The following PIK3C2G variants were observed in gnomAD, a reference collection of about 807,000 sequenced individuals.
PIK3C2G encodes phosphatidylinositol-4-phosphate 3-kinase catalytic subunit type 2 gamma.
A neutral mutation model predicts 181.1 loss-of-function variants in PIK3C2G; 168 were observed. The observed-to-expected ratio is 0.93, with a 90% CI of 0.82 to 1.05. PIK3C2G has a LOEUF of 1.05. PIK3C2G is among the 50% of genes least tolerant of loss of function. PIK3C2G has a pLI of 0.00. For synonymous variants in PIK3C2G, 573 were observed against 592.2 expected (o/e 0.97, Z 0.47); for missense variants, 1,869 against 1,732.8 (o/e 1.08, Z -1.40).
the PIK3C2G span, chr12:18,699,721 G>A: frequency 1.3e-5 from 18 of 1,396,084 alleles, no homozygotes; most frequent in Non-Finnish European, 1.8e-5. Flanking sequence ...AAATATCATT[G>A]AGCAATCTTA....
chr12:18,505,492 A>T (rs1941762581), intron 24 of PIK3C2G, 31 bp downstream of exon 24: 2 of 1,564,962 alleles, frequency 1.3e-6, no homozygotes, highest in Non-Finnish European at 1.7e-6. Flanking sequence ...TACAGTAATT[A>T]AGCAGTGTCC....
At chr12:18,500,503 C>T (rs190483040) in intron 22 of PIK3C2G, among the ~76,000 whole-genome samples, 115 of 152,312 alleles carry the variant, frequency 7.6e-4, no homozygotes, top group Non-Finnish European at 1.6e-3. Context: ...CCAGTCCCAT[C>T]GACCACCTAA....
chr12:18,423,876 C>T lies in PIK3C2G; in HGVS notation c.2410-69C>T, dbSNP rs181735716. On this transcript the variant is annotated intron_variant, in intron 17 of 32. Coordinates refer to ENST00000538779, the MANE Select transcript of PIK3C2G (RefSeq NM_001288772.2). ...TTTTCTCTAGTCTTTTCTCAAGCCTCTGAAGTCCCTCTGTATTCTGCTATA... is the reference window on the plus strand; with the variant it reads ...TTTTCTCTAGTCTTTTCTCAAGCCTTTGAAGTCCCTCTGTATTCTGCTATA... 1.2e-4 allele frequency: 105 copies of T among 898,076 alleles called. No individual in the cohort carries two copies. In the African/African-American group the frequency reaches 1.6e-3, roughly 13 times the overall value. 55.6% of individuals were successfully genotyped at this position (898,076 alleles called of 1,614,324 possible).
At chr12:18,603,344 T>C (rs543639341) in intron 30 of PIK3C2G, among the ~76,000 whole-genome samples, 1 of 151,964 alleles carries the variant, frequency 6.6e-6, no homozygotes, top group Non-Finnish European at 1.5e-5. Context: ...AAAGAAAATA[T>C]GAACAAAGCC....
At chr12:18,539,527 A>G (rs1944039057) in intron 25 of PIK3C2G, among the ~76,000 whole-genome samples, 1 of 151,818 alleles carries the variant, frequency 6.6e-6, no homozygotes, top group African/African-American at 2.4e-5. Flanking sequence ...ATTAATTTTT[A>G]TTAAACAAAA....
chr12:18,629,461 G>A (rs1591708626), intron 31 of PIK3C2G, among the ~76,000 whole-genome samples: 1 of 152,204 alleles, frequency 6.6e-6, no homozygotes, highest in East Asian at 1.9e-4. Flanking sequence ...GAGTAAACAA[G>A]GCCCCAAGGA....
At chr12:18,375,215 A>G (rs1942351102) in intron 13 of PIK3C2G, among the ~76,000 whole-genome samples, 1 of 152,198 alleles carries the variant, frequency 6.6e-6, no homozygotes, top group Non-Finnish European at 1.5e-5. Flanking sequence ...TGTGGCCAAA[A>G]TGCTGATAGT....
chr12:18,384,950 T>C (rs911600117), intron 14 of PIK3C2G, among the ~76,000 whole-genome samples: 1 of 152,176 alleles, frequency 6.6e-6, no homozygotes, highest in African/African-American at 2.4e-5. Context: ...AAACCTTTAA[T>C]AGTATCAGTT....
chr12:18,272,107 T>C (rs1014298953), intron 1 of PIK3C2G, among the ~76,000 whole-genome samples: 6 of 152,230 alleles, frequency 3.9e-5, no homozygotes, highest in African/African-American at 1.2e-4. Context: ...CAAGTGTTTA[T>C]TCCTAAATTG....
rs1236836569 is a variant in PIK3C2G, at chr12:18,640,489, A to G, written c.4243A>G (p.Ser1415Gly). Residue 1415 changes from serine (S) to glycine (G), a missense_variant, in exon 32 of 33, where the codon AGT (serine) becomes GGT (glycine). Physicochemically the swap from Ser to Gly is moderately conservative, Grantham distance 56. Transcript: ENST00000538779. ...TGAATTTTATCTTTTACCATATCCC[A>G]GTGAAGTTCGTAGGAGGAAAACAAA... ...HVEFYLLPYP[S>G]EVRRRKTKSV... is the part of the protein sequence containing the mutation. 1.2e-6 allele frequency: 2 copies of G among 1,608,480 alleles called. No homozygotes were observed. Among genetic ancestry groups the G allele is most frequent in the East Asian group, 2.2e-5 (1 of 44,694 alleles).
At chr12:18,662,088 A>G in the PIK3C2G span, among the ~76,000 whole-genome samples, 1 of 152,232 alleles carries the variant, frequency 6.6e-6, no homozygotes, top group Non-Finnish European at 1.5e-5. Flanking sequence ...GTACACATGG[A>G]CACAAAAATG....
chr12:18,663,292 T>C, the PIK3C2G span, among the ~76,000 whole-genome samples: 1 of 152,086 alleles, frequency 6.6e-6, no homozygotes, highest in Non-Finnish European at 1.5e-5. Flanking sequence ...ATTATCTTTG[T>C]TCACAGATAA....
intron 24 of PIK3C2G, among the ~76,000 whole-genome samples, chr12:18,529,464 T>G (rs1005999693): frequency 2.0e-5 from 3 of 152,210 alleles, no homozygotes; most frequent in Non-Finnish European, 4.4e-5. Context: ...GATTAGTATG[T>G]CTGAAGACCA....
chr12:18,678,552 A>G, the PIK3C2G span, among the ~76,000 whole-genome samples: 2 of 151,966 alleles, frequency 1.3e-5, no homozygotes, highest in African/African-American at 2.4e-5. Context: ...TTCTGTTACT[A>G]TAGAAATTTA....
Position 18,420,229 on chromosome 12 carries a change from G to A in PIK3C2G, c.2316-712G>A, listed in dbSNP as rs555402405. 7.9e-5 allele frequency among the ~76,000 whole-genome samples: 12 copies of A among 152,150 alleles called. No homozygotes were observed. The South Asian group carries it at 2.3e-3, about 29-fold the overall frequency. On this transcript the variant is annotated intron_variant, in intron 16 of 32. Transcript: ENST00000538779. ...ACTTCCCAGGAACTTTGAGATAATTGAATCTATTTCTTCTGATGGAGCAAG... is the reference window on the plus strand; with the variant it reads ...ACTTCCCAGGAACTTTGAGATAATTAAATCTATTTCTTCTGATGGAGCAAG...
chr12:18,306,827 A>T (rs1591898585), intron 5 of PIK3C2G, among the ~76,000 whole-genome samples: 2 of 151,948 alleles, frequency 1.3e-5, no homozygotes, highest in African/African-American at 4.8e-5. Context: ...GCTGTCAGCA[A>T]TCCTGGTTTT....
chr12:18,594,767 T>C (rs903195419), intron 30 of PIK3C2G, among the ~76,000 whole-genome samples, 198 bp downstream of exon 30: 1 of 152,058 alleles, frequency 6.6e-6, no homozygotes, highest in African/African-American at 2.4e-5. Context: ...GGTTGTAGAA[T>C]TCTAGAGGTG....
At chr12:18,411,323 C>A (rs548574563) in intron 16 of PIK3C2G, among the ~76,000 whole-genome samples, 3 of 152,094 alleles carry the variant, frequency 2.0e-5, no homozygotes, top group Non-Finnish European at 4.4e-5. Flanking sequence ...GTGACACAAA[C>A]AAATGGTGTT....
intron 1 of PIK3C2G, 100 bp downstream of exon 1, chr12:18,261,677 G>C (rs1353155280): frequency 6.6e-6 from 1 of 152,070 alleles, no homozygotes; most frequent in Non-Finnish European, 1.5e-5. Flanking sequence ...TAATTATACT[G>C]TGATACAAAA....
Sources: gnomAD v4.1 joint callset for allele counts (sites outside exome capture counted in the v4.1 genomes callset) on GRCh38, gnomAD v4.1.1 for gene constraint, MANE v1.5 for transcripts, NCBI Gene and HGNC (gene_info 2026-07-23, HGNC 2026-07-21) for gene names.